CDK5RAP2: variants seen among roughly 807,000 people sequenced by gnomAD.
The protein encoded by CDK5RAP2 is CDK5 regulatory subunit associated protein 2.
Under a neutral mutation model 232.9 loss-of-function variants are expected in CDK5RAP2, and 147 were observed. The ratio of observed to expected loss-of-function variants is 0.63; its 90% CI spans 0.55 to 0.72. CDK5RAP2 has a LOEUF of 0.72. Ranked by LOEUF, CDK5RAP2 falls within the 30% of genes least tolerant of loss-of-function variation. The pLI, the probability that CDK5RAP2 is intolerant of heterozygous loss-of-function variation, is 0.00. For synonymous variants in CDK5RAP2, 833 were observed against 833.7 expected (o/e 1.00, Z 0.01); for missense variants, 2,195 against 2,231.5 (o/e 0.98, Z 0.33).
Position 120,403,906 on chromosome 9 carries a change from G to T in CDK5RAP2, c.5041+130C>A. The T allele has an allele frequency of 1.4e-6, 1 of 716,308 alleles. No homozygotes were observed. The highest frequency in any genetic ancestry group is 2.6e-6 in the Non-Finnish European group (1 of 389,888). The allele number at this position is 716,308 out of a possible 1,614,324, so 44.4% of individuals were successfully genotyped here. On this transcript the variant is annotated intron_variant, in intron 33 of 37. Transcript: ENST00000349780. This position sits in a 1 kb window ranked among gnomAD's most constrained non-coding sequence, Gnocchi z 4.2. ...GAAGATCACCAGCTGGGGATGCTGA[G>T]AACTTGAAATCCCAAATCCTTACCA...
At chr9:120,548,213 C>T (rs1349414657) in intron 4 of CDK5RAP2, among the ~76,000 whole-genome samples, 1 of 152,174 alleles carries the variant, frequency 6.6e-6, no homozygotes, top group Non-Finnish European at 1.5e-5. Flanking sequence ...ATAATATCTT[C>T]AAGTGTAATT....
intron 20 of CDK5RAP2, among the ~76,000 whole-genome samples, chr9:120,457,267 G>A (rs1400075934): frequency 6.6e-6 from 1 of 152,172 alleles, no homozygotes; most frequent in Non-Finnish European, 1.5e-5. Flanking sequence ...TCCGTTGCCA[G>A]AAGGGAGCAT....
At chr9:120,408,598 T>C (rs1215866343) in intron 30 of CDK5RAP2, 130 bp from the exon 31 acceptor site, 5 of 995,526 alleles carry the variant, frequency 5.0e-6, no homozygotes, top group Non-Finnish European at 7.7e-6. Context: ...CAAGCATGGT[T>C]AAGAATTCCA....
Position 120,402,984 on chromosome 9 carries a change from G to A in CDK5RAP2, c.5129C>T (p.Ser1710Phe), listed in dbSNP as rs565315771. 7 of 1,614,218 alleles carry A rather than the reference G, an allele frequency of 4.3e-6. No homozygotes were observed. The highest frequency in any genetic ancestry group is 1.3e-5 in the African/African-American group (1 of 75,072). ...GSSATSTPCV[S>F]RLVTGHHLWA... is the part of the protein sequence containing the mutation. The stretch of plus-strand genomic sequence containing the variant: ...CAGGTGGTGGCCAGTGACCAGGCGG[G>A]ACACACACGGAGTGCTAGTTGCCGA... Residue 1710 changes from serine (S) to phenylalanine (F), a missense_variant, in exon 34 of 38, where the codon TCC becomes TTC. Ser to Phe is a radical substitution (Grantham distance 155). Transcript: ENST00000349780.
At chr9:120,540,095 G>C (rs2131987650) in intron 5 of CDK5RAP2, among the ~76,000 whole-genome samples, 1 of 152,324 alleles carries the variant, frequency 6.6e-6, no homozygotes, top group Admixed American at 6.5e-5. Context: ...AGTACACACT[G>C]CTAGAGCACC....
At chr9:120,518,724 C>T (rs895099513) in intron 11 of CDK5RAP2, 79 bp from the exon 12 acceptor site, 15 of 1,124,914 alleles carry the variant, frequency 1.3e-5, no homozygotes, top group Admixed American at 5.5e-5. Flanking sequence ...GGCTCTTTTT[C>T]GCCGTGGGGG....
At chr9:120,421,976 G>A (rs2034594728) in intron 26 of CDK5RAP2, among the ~76,000 whole-genome samples, 1 of 152,216 alleles carries the variant, frequency 6.6e-6, no homozygotes, top group Non-Finnish European at 1.5e-5. Context: ...TAGTAAATGT[G>A]AAATGCCTAC....
chr9:120,438,447 A>G (rs1456042552), intron 24 of CDK5RAP2, among the ~76,000 whole-genome samples: 1 of 152,202 alleles, frequency 6.6e-6, no homozygotes, highest in Non-Finnish European at 1.5e-5. Flanking sequence ...GTATCATGTG[A>G]GTACTGGAGT....
At chr9:120,455,890 C>T (rs1197289191) in intron 20 of CDK5RAP2, among the ~76,000 whole-genome samples, 1 of 152,084 alleles carries the variant, frequency 6.6e-6, no homozygotes, top group African/African-American at 2.4e-5. Flanking sequence ...GTAAGGTACA[C>T]TATAGGGCTC....
chr9:120,564,450 A>G (rs1025390505), intron 3 of CDK5RAP2, among the ~76,000 whole-genome samples: 7 of 146,512 alleles, frequency 4.8e-5, no homozygotes, highest in Admixed American at 1.4e-4. Context: ...AGATCGTGCC[A>G]CTCCACTCCA....
chr9:120,445,004 TC>T (rs2036102984), intron 22 of CDK5RAP2, among the ~76,000 whole-genome samples: 1 of 152,164 alleles, frequency 6.6e-6, no homozygotes, highest in African/African-American at 2.4e-5. Flanking sequence ...TCATCTCCAA[TC>T]CCTGACCCAC....
chr9:120,438,420 A>G (rs945198101), intron 24 of CDK5RAP2, among the ~76,000 whole-genome samples: 1 of 152,190 alleles, frequency 6.6e-6, no homozygotes, highest in Non-Finnish European at 1.5e-5. Context: ...TGATACCAGC[A>G]TTAAAGGTGG....
In CDK5RAP2 at chr9:120,556,382, C is replaced by T. The variant is rs1015402787; in HGVS notation, c.196-5480G>A. 2.6e-5 allele frequency among the ~76,000 whole-genome samples: 4 copies of T among 151,758 alleles called. No individual in the cohort carries two copies. The South Asian group carries it at 6.3e-4, about 24-fold the overall frequency. ...AACACTCATCACGTATTTTTTTCAG[C>T]GTTTTAAAAAATAATTTTTAATAGC... On this transcript the variant is annotated intron_variant, in intron 3 of 37. Coordinates refer to ENST00000349780, the MANE Select transcript of CDK5RAP2 (RefSeq NM_018249.6).
intron 1 of CDK5RAP2, among the ~76,000 whole-genome samples, chr9:120,577,686 C>A (rs966810109): frequency 2.0e-5 from 3 of 152,168 alleles, no homozygotes; most frequent in Admixed American, 6.5e-5. Context: ...TTTTAAGATT[C>A]ATTTTAATCC....
At chr9:120,446,238 G>A in intron 22 of CDK5RAP2, among the ~76,000 whole-genome samples, 1 of 152,152 alleles carries the variant, frequency 6.6e-6, no homozygotes, top group Non-Finnish European at 1.5e-5. Context: ...TTGGCCCACA[G>A]GCTGTGGTTT....
chr9:120,447,681 T>C (rs2036265894), intron 22 of CDK5RAP2, among the ~76,000 whole-genome samples: 1 of 152,208 alleles, frequency 6.6e-6, no homozygotes, highest in African/African-American at 2.4e-5. Context: ...AAGTTCCCTT[T>C]ATCCAGACTC....
At chr9:120,507,968 T>G (rs1256033174) in intron 12 of CDK5RAP2, among the ~76,000 whole-genome samples, 1 of 113,410 alleles carries the variant, frequency 8.8e-6, no homozygotes, top group Non-Finnish European at 1.8e-5. Context: ...TATATATATA[T>G]AGTGGATTGT....
Position 120,402,795 on chromosome 9 carries a change from G to T in CDK5RAP2, c.5307+11C>A. The stretch of plus-strand genomic sequence containing the variant: ...AGCAGCTTGTGCCCCCCAGCTCTGT[G>T]GTCAGGTTACCTTTGTTCCCAGCTC... On this transcript the variant is annotated intron_variant, in intron 34 of 37. Coordinates refer to ENST00000349780, the MANE Select transcript of CDK5RAP2 (RefSeq NM_018249.6). The T allele has an allele frequency of 6.2e-7, 1 of 1,613,638 alleles. No homozygotes were observed. The highest frequency in any genetic ancestry group is 8.5e-7 in the Non-Finnish European group (1 of 1,179,994).
At chr9:120,400,711 T>C (rs2032929092) in intron 35 of CDK5RAP2, 31 bp downstream of exon 35, 1 of 1,612,178 alleles carries the variant, frequency 6.2e-7, no homozygotes, top group South Asian at 1.1e-5. Flanking sequence ...AGTGGCATCC[T>C]TGAGCCTCTG....
Sources: gnomAD v4.1 joint callset for allele counts (sites outside exome capture counted in the v4.1 genomes callset) on GRCh38, gnomAD v4.1.1 for gene constraint, Gnocchi (gnomAD v3.1) non-coding constraint, MANE v1.5 for transcripts, NCBI Gene and HGNC (gene_info 2026-07-23, HGNC 2026-07-21) for gene names.